Variants in WDR49 observed in about 807,000 individuals in gnomAD.
WDR49 encodes the protein WD repeat domain 49, also known as cilia- and flagella-associated protein 337.
Under a neutral mutation model 119.5 loss-of-function variants are expected in WDR49, and 107 were observed. That is an observed-to-expected ratio of 0.90 (90% CI 0.77 to 1.05). The LOEUF is 1.05. Ranked by LOEUF, WDR49 falls within the 50% of genes least tolerant of loss-of-function variation. WDR49 has a pLI of 0.00. For synonymous variants in WDR49, 425 were observed against 418.8 expected (o/e 1.01, Z -0.18); for missense variants, 1,240 against 1,220.5 (o/e 1.02, Z -0.24).
At chr3:167,651,894 T>C (rs1397821851) in intron 2 of WDR49, among the ~76,000 whole-genome samples, 1 of 152,148 alleles carries the variant, frequency 6.6e-6, no homozygotes, top group Non-Finnish European at 1.5e-5. Context: ...CACATCAACT[T>C]TATAATGTAG....
At chr3:167,533,808 C>T (rs1487177997) in intron 11 of WDR49, among the ~76,000 whole-genome samples, 1 of 151,980 alleles carries the variant, frequency 6.6e-6, no homozygotes, top group Non-Finnish European at 1.5e-5. Flanking sequence ...AGGACAGCTA[C>T]CCACTGAGCA....
At chr3:167,595,297 G>T (rs1483108081) in intron 7 of WDR49, among the ~76,000 whole-genome samples, 1 of 152,154 alleles carries the variant, frequency 6.6e-6, no homozygotes, top group African/African-American at 2.4e-5. Context: ...TACTGCCCAA[G>T]ATAATTTACA....
At chr3:167,594,937 T>C (rs1251426020) in intron 7 of WDR49, among the ~76,000 whole-genome samples, 1 of 150,952 alleles carries the variant, frequency 6.6e-6, no homozygotes, top group Non-Finnish European at 1.5e-5. Context: ...TGTCCCTCTT[T>C]GCAGACGACA....
intron 7 of WDR49, among the ~76,000 whole-genome samples, chr3:167,598,226 A>C (rs1018294734): frequency 1.4e-4 from 22 of 151,762 alleles, no homozygotes; most frequent in Non-Finnish European, 2.2e-4. Flanking sequence ...AATTGCTCGA[A>C]CCTAGGAGGC....
chr3:167,525,682 G>A (rs1308407683), intron 15 of WDR49, among the ~76,000 whole-genome samples: 1 of 151,962 alleles, frequency 6.6e-6, no homozygotes, highest in Non-Finnish European at 1.5e-5. Flanking sequence ...TGTCAGCTTC[G>A]TGGGATAAAC....
intron 10 of WDR49, among the ~76,000 whole-genome samples, chr3:167,542,986 G>A (rs1175427904): frequency 2.0e-5 from 3 of 151,888 alleles, no homozygotes; most frequent in African/African-American, 7.2e-5. Flanking sequence ...ACAGAAATAT[G>A]AAAGATCATT....
intron 12 of WDR49, among the ~76,000 whole-genome samples, chr3:167,531,728 C>T (rs951982238): frequency 6.6e-5 from 10 of 152,090 alleles, no homozygotes; most frequent in Non-Finnish European, 1.5e-4. Flanking sequence ...TAGCGAGTTA[C>T]TCTGGAGAAA....
rs59265631 is a variant in WDR49, at chr3:167,514,628, GACACACACACACACACACAC to G, written c.2774+7667_2774+7686del. Reference sequence around the variant, plus strand: ...TCAGAGCAGAACTGAAGGAGATGCAGACACACACACACACACACACACACACACACACACACACACACCCT... The same window carrying G: ...TCAGAGCAGAACTGAAGGAGATGCAGACACACACACACACACACACACCCT... On this transcript the variant is annotated intron_variant, in intron 16 of 18. Transcript: ENST00000682715. 4.4e-3 allele frequency among the ~76,000 whole-genome samples: 622 copies of G among 141,034 alleles called. 1 individual carries two copies. Among genetic ancestry groups the G allele is most frequent in the African/African-American group, 0.015 (584 of 38,188 alleles). The allele number at this position is 141,034 out of a possible 152,430, so 92.5% of individuals were successfully genotyped here.
chr3:167,625,944 G>C (rs1011399598), intron 3 of WDR49, among the ~76,000 whole-genome samples: 1 of 150,660 alleles, frequency 6.6e-6, no homozygotes, highest in Non-Finnish European at 1.5e-5. Context: ...AAAAAATTAG[G>C]AACAAAGAAA....
chr3:167,621,784 A>G (rs890231010), intron 3 of WDR49, 141 bp from the exon 4 acceptor site: 5 of 799,964 alleles, frequency 6.3e-6, no homozygotes, highest in Non-Finnish European at 9.3e-6. Flanking sequence ...AGTTAAGAAC[A>G]GCGGCACAAA....
intron 7 of WDR49, among the ~76,000 whole-genome samples, chr3:167,587,268 G>C (rs1024234201): frequency 3.3e-5 from 5 of 152,030 alleles, no homozygotes; most frequent in African/African-American, 1.2e-4. Context: ...ATTCAATAAT[G>C]GAAATGAAAC....
chr3:167,605,669 C>T (rs561227573), intron 5 of WDR49, among the ~76,000 whole-genome samples: 3 of 152,260 alleles, frequency 2.0e-5, no homozygotes, highest in African/African-American at 7.2e-5. Context: ...GTTTAAGAGA[C>T]ATTTGTTGAA....
At chr3:167,637,941 A>G (rs781393133) in intron 2 of WDR49, among the ~76,000 whole-genome samples, 1 of 151,578 alleles carries the variant, frequency 6.6e-6, no homozygotes. Flanking sequence ...GCAAACAGCA[A>G]CAGTTTGACT....
chr3:167,500,020 A>C, intron 18 of WDR49, 133 bp downstream of exon 18: 2 of 1,017,618 alleles, frequency 2.0e-6, no homozygotes, highest in South Asian at 2.3e-5. Context: ...AAATCTTAAC[A>C]GTCAAACCAC....
Position 167,560,162 on chromosome 3 carries a change from G to A in WDR49, c.1576C>T (p.Gln526Ter), listed in dbSNP as rs1037629647. The part of the protein sequence containing the change: ...WMIDTGQKIK[Q>*]FTGCHGNAEI... ...GCGTTGCCGTGGCAACCAGTAAACTGTTTGATTTTCTGCCCAGTGTCTATC... is the reference window on the plus strand; with the variant it reads ...GCGTTGCCGTGGCAACCAGTAAACTATTTGATTTTCTGCCCAGTGTCTATC... The change falls in exon 9 of 19, where the codon CAG (glutamine) becomes TAG (stop). Residue 526 changes from glutamine (Q) to a stop codon, truncating the protein, a stop_gained. Coordinates refer to ENST00000682715, the MANE Select transcript of WDR49 (RefSeq NM_001366157.1). LOFTEE classifies it high-confidence loss of function. 1.9e-6 allele frequency: 3 copies of A among 1,614,084 alleles called. No individual in the cohort carries two copies. The highest frequency in any genetic ancestry group is 1.1e-5 in the South Asian group (1 of 91,084).
At chr3:167,607,393 C>T (rs909201509) in intron 5 of WDR49, among the ~76,000 whole-genome samples, 1 of 152,102 alleles carries the variant, frequency 6.6e-6, no homozygotes, top group African/African-American at 2.4e-5. Context: ...TTGCTTATCC[C>T]CCATATGGAA....
At chr3:167,648,712 T>A (rs1466722755) in intron 2 of WDR49, among the ~76,000 whole-genome samples, 1 of 152,160 alleles carries the variant, frequency 6.6e-6, no homozygotes, top group Non-Finnish European at 1.5e-5. Context: ...CAATGGGATG[T>A]GAGCTGGACC....
chr3:167,542,997 C>A (rs1711936691), intron 10 of WDR49, among the ~76,000 whole-genome samples: 2 of 151,910 alleles, frequency 1.3e-5, no homozygotes, highest in African/African-American at 4.8e-5. Flanking sequence ...AAAGATCATT[C>A]AAGGCAACTA....
At position 167,559,922 on chromosome 3, in the gene WDR49, G is replaced by C. The variant is rs1713160936; in HGVS notation, c.1674+142C>G. The stretch of plus-strand genomic sequence containing the variant: ...TCCTAGCAGCTTTATTAGATGGTTG[G>C]AGTTATTTCACTCTTACCATGTCTC... On this transcript the variant is annotated intron_variant, in intron 9 of 18. Transcript: ENST00000682715. 10 of 758,388 alleles carry C rather than the reference G, an allele frequency of 1.3e-5. No individual in the cohort carries two copies. In the East Asian group the frequency reaches 2.7e-4, roughly 21 times the overall value. The allele number at this position is 758,388 out of a possible 1,614,324, so 47.0% of individuals were successfully genotyped here.
Sources: allele counts gnomAD v4.1 joint callset (sites outside exome capture counted in the v4.1 genomes callset), GRCh38; gene constraint gnomAD v4.1.1; transcripts MANE v1.5; gene names NCBI Gene and HGNC (gene_info 2026-07-23, HGNC 2026-07-21).